STK32B: variants seen among roughly 807,000 people sequenced by gnomAD.
The protein encoded by STK32B is serine/threonine kinase 32B, also known as serine/threonine-protein kinase 32B.
Under a neutral mutation model 52.6 loss-of-function variants are expected in STK32B, and 43 were observed. The ratio of observed to expected loss-of-function variants is 0.82; its 90% CI spans 0.64 to 1.05. STK32B has a LOEUF of 1.05. Among genes scored for constraint, STK32B ranks in the 50% least tolerant of loss-of-function variants. STK32B has a pLI of 0.00. For missense variants in STK32B, 621 were observed against 534.6 expected (o/e 1.16, Z -1.59); for synonymous variants, 238 against 204.3 (o/e 1.17, Z -1.41).
At chr4:5,158,236 TGCCCTTCTA>T (rs1718022963) in intron 2 of STK32B, among the ~76,000 whole-genome samples, 2 of 152,268 alleles carry the variant, frequency 1.3e-5, no homozygotes, top group East Asian at 3.9e-4. Context: ...TCAGGCCCTT[TGCCCTTCTA>T]CAGAGTGTTT....
chr4:5,123,478 A>G (rs1016593651), intron 1 of STK32B, among the ~76,000 whole-genome samples: 4 of 152,130 alleles, frequency 2.6e-5, no homozygotes, highest in Admixed American at 6.5e-5. Flanking sequence ...GGCTGCTGTA[A>G]CAAAGTGTCA....
chr4:5,316,225 A>ATATATATTATATAT (rs1730695122), intron 3 of STK32B, among the ~76,000 whole-genome samples: 1 of 69,046 alleles, frequency 1.4e-5, no homozygotes, highest in African/African-American at 1.3e-4. Flanking sequence ...ATAATATATT[A>ATATATATTATATAT]TATATACAAT....
the STK32B span, among the ~76,000 whole-genome samples, chr4:5,036,009 T>C: frequency 2.0e-5 from 3 of 152,112 alleles, no homozygotes; most frequent in Admixed American, 6.5e-5. Flanking sequence ...TTTGAACTCC[T>C]GGCCTCAGGT....
intron 1 of STK32B, among the ~76,000 whole-genome samples, chr4:5,102,057 A>G (rs1192876465): frequency 6.6e-6 from 1 of 152,106 alleles, no homozygotes; most frequent in African/African-American, 2.4e-5. Context: ...CATGCTGTTG[A>G]TGGTGGCATT....
intron 3 of STK32B, among the ~76,000 whole-genome samples, chr4:5,183,900 A>G (rs973130996): frequency 6.6e-6 from 1 of 152,104 alleles, no homozygotes; most frequent in Non-Finnish European, 1.5e-5. Flanking sequence ...AAAATTGAAG[A>G]GAGTTGGGAA....
chr4:5,454,922 A>T (rs185004427), intron 7 of STK32B, among the ~76,000 whole-genome samples: 2 of 152,326 alleles, frequency 1.3e-5, no homozygotes, highest in African/African-American at 4.8e-5. Context: ...ATTAAAAAAA[A>T]TTGAAGAAAG....
chr4:5,438,124 T>C, intron 6 of STK32B: 1 of 985,270 alleles, frequency 1.0e-6, no homozygotes. Flanking sequence ...TCTGCACTGC[T>C]GGGTGCACCC....
chr4:5,060,937 G>A (rs1174630676), intron 1 of STK32B, among the ~76,000 whole-genome samples: 1 of 152,106 alleles, frequency 6.6e-6, no homozygotes, highest in Non-Finnish European at 1.5e-5. Context: ...GCTTTTAAGA[G>A]TTTATATTCC....
intron 3 of STK32B, among the ~76,000 whole-genome samples, chr4:5,281,271 C>T (rs1728178904): frequency 6.6e-6 from 1 of 152,158 alleles, no homozygotes. Flanking sequence ...GGTGGGGACA[C>T]AGCCAAACCA....
At chr4:5,412,696 C>T (rs777663390) in intron 5 of STK32B, among the ~76,000 whole-genome samples, 7 of 152,166 alleles carry the variant, frequency 4.6e-5, no homozygotes, top group Non-Finnish European at 7.3e-5. Context: ...CTCTCAGTAG[C>T]ACTTGAAGGA....
At chr4:5,288,205 G>C (rs1300134806) in intron 3 of STK32B, among the ~76,000 whole-genome samples, 1 of 152,094 alleles carries the variant, frequency 6.6e-6, no homozygotes, top group East Asian at 1.9e-4. Flanking sequence ...GGGAATATTT[G>C]GTCCAGGTTT....
At chr4:5,114,466 A>G (rs543899225) in intron 1 of STK32B, among the ~76,000 whole-genome samples, 1 of 152,148 alleles carries the variant, frequency 6.6e-6, no homozygotes, top group Non-Finnish European at 1.5e-5. Flanking sequence ...CCAAAGACAG[A>G]TGATGTCTGT....
Position 5,058,775 on chromosome 4 carries a change from ATC to A in STK32B, c.52+6870_52+6871del, listed in dbSNP as rs954694454. On this transcript the variant is annotated intron_variant, in intron 1 of 11. Coordinates refer to ENST00000282908, the MANE Select transcript of STK32B (RefSeq NM_018401.3). The surrounding 1 kb of genome is among the most constrained non-coding windows in gnomAD (Gnocchi z 4.8). ...TTACTTATTTATTTTTTGATATAGA[ATC>A]TCTCTCTCTGTCTCCCAGGATGGAG... 1.3e-5 allele frequency among the ~76,000 whole-genome samples: 2 copies of A among 151,754 alleles called. No individual in the cohort carries two copies. Among genetic ancestry groups the A allele is most frequent in the Non-Finnish European group, 2.9e-5 (2 of 67,922 alleles).
In STK32B at chr4:5,480,090, C is replaced by G. The variant is rs186739473; in HGVS notation, c.1106+12020C>G. On this transcript the variant is annotated intron_variant, in intron 11 of 11. Transcript: ENST00000282908. ...AGCATTTAACAGCCTCGGTGACAGT[C>G]AGCACTACCCAATGTTTCCTAGTAA... Among the ~76,000 whole-genome samples, 492 of 152,092 alleles carry G rather than the reference C, an allele frequency of 3.2e-3. 7 individuals are homozygous for G. The highest frequency in any genetic ancestry group is 0.011 in the African/African-American group (465 of 41,382).
intron 11 of STK32B, among the ~76,000 whole-genome samples, chr4:5,493,706 G>C (rs1408017277): frequency 6.6e-6 from 1 of 152,112 alleles, no homozygotes; most frequent in Non-Finnish European, 1.5e-5. Flanking sequence ...GCTTTCTCTT[G>C]TGGGCATTTA....
intron 3 of STK32B, among the ~76,000 whole-genome samples, chr4:5,250,160 A>C (rs1190624941): frequency 6.6e-6 from 1 of 152,108 alleles, no homozygotes. Context: ...TCTGCTATTG[A>C]TGGACATTTA....
chr4:5,496,220 G>T (rs1452953797), intron 11 of STK32B, among the ~76,000 whole-genome samples: 2 of 152,268 alleles, frequency 1.3e-5, no homozygotes, highest in Non-Finnish European at 2.9e-5. Flanking sequence ...TTGAGCTGTG[G>T]TGGGCTCCAT....
At chr4:5,203,673 T>G (rs1388982372) in intron 3 of STK32B, among the ~76,000 whole-genome samples, 1 of 152,242 alleles carries the variant, frequency 6.6e-6, no homozygotes, top group African/African-American at 2.4e-5. Context: ...CAATCATTAT[T>G]CACTGCAACC....
At chr4:5,323,043 C>T (rs1731621495) in intron 3 of STK32B, among the ~76,000 whole-genome samples, 1 of 152,122 alleles carries the variant, frequency 6.6e-6, no homozygotes, top group African/African-American at 2.4e-5. Context: ...TGATAATGCC[C>T]ACGTCCCACG....
Sources: gnomAD v4.1 joint callset for allele counts (sites outside exome capture counted in the v4.1 genomes callset) on GRCh38, gnomAD v4.1.1 for gene constraint, Gnocchi (gnomAD v3.1) non-coding constraint, MANE v1.5 for transcripts, NCBI Gene and HGNC (gene_info 2026-07-23, HGNC 2026-07-21) for gene names.